MYO3A: variants seen among roughly 807,000 people sequenced by gnomAD.
MYO3A encodes myosin-IIIa.
A neutral mutation model predicts 192.7 loss-of-function variants in MYO3A; 180 were observed. That is an observed-to-expected ratio of 0.93 (90% CI 0.83 to 1.06). MYO3A has a LOEUF of 1.06. Among genes scored for constraint, MYO3A ranks in the 50% least tolerant of loss-of-function variants. The probability of loss-of-function intolerance (pLI) is 0.00; values close to 1 mark genes in which losing one functional copy is unlikely to be tolerated. For missense variants in MYO3A, 1,896 were observed against 1,905.0 expected (o/e 1.00, Z 0.09); for synonymous variants, 628 against 645.3 (o/e 0.97, Z 0.41).
At chr10:26,209,783 T>A (rs1844138185) in intron 34 of MYO3A, among the ~76,000 whole-genome samples, 1 of 152,152 alleles carries the variant, frequency 6.6e-6, no homozygotes, top group Admixed American at 6.5e-5. Context: ...TCTCATGACC[T>A]TAAATATTGT....
intron 10 of MYO3A, among the ~76,000 whole-genome samples, chr10:26,046,134 C>A (rs771599465): frequency 1.4e-4 from 21 of 152,084 alleles, no homozygotes; most frequent in Non-Finnish European, 2.4e-4. Context: ...TCATGGGAAC[C>A]CTGATTTATA....
At chr10:26,051,595 AT>A (rs2131290315) in intron 10 of MYO3A, among the ~76,000 whole-genome samples, 1 of 148,220 alleles carries the variant, frequency 6.7e-6, no homozygotes, top group East Asian at 1.9e-4. Context: ...TATATAGTAT[AT>A]ATAAAACATT....
intron 20 of MYO3A, among the ~76,000 whole-genome samples, chr10:26,141,041 C>T (rs1313267873): frequency 6.6e-6 from 1 of 152,132 alleles, no homozygotes; most frequent in African/African-American, 2.4e-5. Flanking sequence ...CATTCTCCTG[C>T]CTCAGTCTCC....
At chr10:26,181,686 T>C (rs1162816079) in intron 31 of MYO3A, among the ~76,000 whole-genome samples, 1 of 151,374 alleles carries the variant, frequency 6.6e-6, no homozygotes, top group African/African-American at 2.4e-5. Context: ...ATTTTAACAG[T>C]AATAACAAAG....
Position 26,154,778 on chromosome 10 carries a change from A to C in MYO3A, c.2748A>C (p.Arg916Ser). 6.2e-7 allele frequency: 1 copy of C among 1,613,908 alleles called. No individual in the cohort carries two copies. The highest frequency in any genetic ancestry group is 8.5e-7 in the Non-Finnish European group (1 of 1,179,868). The change falls in exon 25 of 35, where the codon AGA becomes AGC. Residue 916 changes from arginine to serine, a missense_variant. Transcript: ENST00000642920. ...GDTGEATRHARETTNMKTQTV... is the reference protein window; with the variant it reads ...GDTGEATRHASETTNMKTQTV... ...CTGGAGAAGCCACACGTCATGCCAGAGAGACAACCAACATGAAAACACAAA... is the reference window on the plus strand; with the variant it reads ...CTGGAGAAGCCACACGTCATGCCAGCGAGACAACCAACATGAAAACACAAA...
intron 2 of MYO3A, among the ~76,000 whole-genome samples, chr10:25,948,149 C>T (rs1400675735): frequency 1.3e-5 from 2 of 152,078 alleles, no homozygotes; most frequent in Non-Finnish European, 2.9e-5. Context: ...AAAGAGCATT[C>T]TAGGCAGAGG....
At chr10:25,993,318 T>C (rs1454060063) in intron 4 of MYO3A, among the ~76,000 whole-genome samples, 4 of 152,244 alleles carry the variant, frequency 2.6e-5, no homozygotes, top group African/African-American at 9.6e-5. Flanking sequence ...TAGTATTCTC[T>C]GATGGTAGTT....
chr10:26,128,781 A>G (rs1839372312), intron 20 of MYO3A, among the ~76,000 whole-genome samples: 1 of 152,214 alleles, frequency 6.6e-6, no homozygotes, highest in Non-Finnish European at 1.5e-5. Context: ...CTTCTCCAAA[A>G]CTTAGAATTC....
intron 4 of MYO3A, among the ~76,000 whole-genome samples, chr10:25,988,381 AAAAAT>A (rs1293933523): frequency 6.6e-5 from 10 of 152,128 alleles, no homozygotes; most frequent in Non-Finnish European, 1.3e-4. Context: ...AAATTTAAAT[AAAAAT>A]AAAATAAAAA....
At chr10:26,155,004 T>C (rs1841029168) in intron 25 of MYO3A, among the ~76,000 whole-genome samples, 181 bp downstream of exon 25, 1 of 152,250 alleles carries the variant, frequency 6.6e-6, no homozygotes, top group African/African-American at 2.4e-5. Context: ...TTTTACATTC[T>C]ACCTGTGAAA....
At chr10:26,070,451 A>G (rs374443971) in intron 14 of MYO3A, 50 bp downstream of exon 14, 14 of 1,383,906 alleles carry the variant, frequency 1.0e-5, no homozygotes, top group African/African-American at 1.0e-4. Context: ...GTTGAATTTC[A>G]TAACTTAATA....
chr10:26,009,937 A>G (rs565929526), intron 6 of MYO3A, among the ~76,000 whole-genome samples: 1 of 152,326 alleles, frequency 6.6e-6, no homozygotes, highest in East Asian at 1.9e-4. Context: ...AAGACAAGGT[A>G]TCAGTGATGA....
intron 4 of MYO3A, among the ~76,000 whole-genome samples, chr10:25,968,282 T>C (rs1480081463): frequency 2.0e-5 from 3 of 152,226 alleles, no homozygotes; most frequent in African/African-American, 7.2e-5. Context: ...GTCCCTTCAA[T>C]TTTGAATTCT....
intron 4 of MYO3A, among the ~76,000 whole-genome samples, chr10:25,977,188 G>A (rs1839012756): frequency 6.6e-6 from 1 of 152,146 alleles, no homozygotes; most frequent in South Asian, 2.1e-4. Flanking sequence ...CATTTGTGGT[G>A]TATTGATATT....
intron 20 of MYO3A, among the ~76,000 whole-genome samples, chr10:26,139,851 C>T (rs12247680): frequency 0.39 from 58,836 of 151,972 alleles, 11,689 homozygotes; most frequent in Middle Eastern, 0.5. Context: ...GAGATCATGC[C>T]GCTGCACACC....
At chr10:26,030,643 G>A (rs1842763106) in intron 10 of MYO3A, among the ~76,000 whole-genome samples, 1 of 152,146 alleles carries the variant, frequency 6.6e-6, no homozygotes, top group African/African-American at 2.4e-5. Context: ...AAATCTGATT[G>A]TATTAAATCA....
At chr10:26,035,149 T>A (rs1325428082) in intron 10 of MYO3A, among the ~76,000 whole-genome samples, 2 of 152,072 alleles carry the variant, frequency 1.3e-5, no homozygotes, top group Non-Finnish European at 2.9e-5. Flanking sequence ...ATAGCAAGGA[T>A]CCCTCTAGGA....
intron 4 of MYO3A, among the ~76,000 whole-genome samples, chr10:25,972,832 G>T (rs1391878663): frequency 1.3e-5 from 2 of 152,068 alleles, no homozygotes; most frequent in African/African-American, 4.8e-5. Flanking sequence ...TCCACTAATT[G>T]TCAGCTGATT....
chr10:26,101,335 C>G (rs1277557457), intron 17 of MYO3A, among the ~76,000 whole-genome samples: 1 of 152,140 alleles, frequency 6.6e-6, no homozygotes, highest in Non-Finnish European at 1.5e-5. Flanking sequence ...ACTGATGGGT[C>G]TTGACTCTTT....
Sources: gnomAD v4.1 joint callset for allele counts (sites outside exome capture counted in the v4.1 genomes callset) on GRCh38, gnomAD v4.1.1 for gene constraint, MANE v1.5 for transcripts, NCBI Gene and HGNC (gene_info 2026-07-23, HGNC 2026-07-21) for gene names.